The following PRKAR2A variants were observed in gnomAD, a reference collection of about 807,000 sequenced individuals.
PRKAR2A encodes protein kinase cAMP-dependent type II regulatory subunit alpha, also known as cAMP-dependent protein kinase type II-alpha regulatory subunit.
PRKAR2A carries 29 observed loss-of-function variants against 51.9 expected under a neutral mutation model. That is an observed-to-expected ratio of 0.56 (90% CI 0.42 to 0.76). The LOEUF (loss-of-function observed/expected upper bound fraction) is 0.76. Among genes scored for constraint, PRKAR2A ranks in the 30% least tolerant of loss-of-function variants. The pLI is 0.00. For synonymous variants in PRKAR2A, 178 were observed against 186.2 expected (o/e 0.96, Z 0.36); for missense variants, 445 against 512.1 (o/e 0.87, Z 1.26).
At chr3:48,808,966 A>G in intron 1 of PRKAR2A, among the ~76,000 whole-genome samples, 1 of 134,212 alleles carries the variant, frequency 7.5e-6, no homozygotes, top group Non-Finnish European at 1.6e-5. Flanking sequence ...TTTTTAGTAG[A>G]GACAGGGTTT....
chr3:48,752,823 A>G (rs1049151801), intron 9 of PRKAR2A, among the ~76,000 whole-genome samples: 2 of 150,124 alleles, frequency 1.3e-5, no homozygotes, highest in African/African-American at 4.9e-5. Context: ...TTGGCCTCCC[A>G]AAGTGCTCGG....
chr3:48,827,665 G>A (rs987303940), intron 1 of PRKAR2A, among the ~76,000 whole-genome samples: 1 of 152,126 alleles, frequency 6.6e-6, no homozygotes, highest in Non-Finnish European at 1.5e-5. Flanking sequence ...TTACACTTGT[G>A]TATGGCACTT....
chr3:48,809,614 A>C (rs982351537), intron 1 of PRKAR2A, among the ~76,000 whole-genome samples: 3 of 150,646 alleles, frequency 2.0e-5, no homozygotes, highest in East Asian at 3.9e-4. Flanking sequence ...AAAAAAAAAA[A>C]AAAAAAAAAC....
chr3:48,794,779 C>T (rs2082462555), intron 2 of PRKAR2A, among the ~76,000 whole-genome samples: 1 of 152,094 alleles, frequency 6.6e-6, no homozygotes, highest in Non-Finnish European at 1.5e-5. Context: ...CATGCTATCC[C>T]TTGCAGAAGA....
intron 2 of PRKAR2A, among the ~76,000 whole-genome samples, chr3:48,794,672 T>C (rs940233384): frequency 2.6e-5 from 4 of 151,692 alleles, no homozygotes; most frequent in African/African-American, 9.7e-5. Context: ...TCCAGCCTGG[T>C]TGACACAATG....
intron 1 of PRKAR2A, among the ~76,000 whole-genome samples, chr3:48,836,254 C>T (rs951917129): frequency 2.6e-5 from 4 of 151,042 alleles, no homozygotes; most frequent in African/African-American, 7.3e-5. Flanking sequence ...CCCGTCTCTA[C>T]CAAAAATACA....
In PRKAR2A at chr3:48,751,217, G is replaced by A. The variant is rs541775374; in HGVS notation, c.*368C>T. 13 of 449,436 alleles carry A rather than the reference G, an allele frequency of 2.9e-5. No individual in the cohort carries two copies. The highest frequency in any genetic ancestry group is 5.8e-5 in the Non-Finnish European group (13 of 225,696). 27.8% of individuals were successfully genotyped at this position (449,436 alleles called of 1,614,324 possible). ...ACAACAGGTTTCTGCAGACCCTGTG[G>A]TAACTTCCAAAAGCAAGAGTAGCAG... On this transcript the variant is annotated 3_prime_UTR_variant, in exon 11 of 11. Transcript: ENST00000265563.
At chr3:48,830,299 T>C (rs1476395483) in intron 1 of PRKAR2A, among the ~76,000 whole-genome samples, 1 of 152,038 alleles carries the variant, frequency 6.6e-6, no homozygotes. Flanking sequence ...GGATCATCAA[T>C]ATCACTGTCT....
In PRKAR2A at chr3:48,818,277, C is replaced by T. The variant is rs140930046; in HGVS notation, c.263-10593G>A. On this transcript the variant is annotated intron_variant, in intron 1 of 10. Coordinates refer to ENST00000265563, the MANE Select transcript of PRKAR2A (RefSeq NM_004157.4). The stretch of plus-strand genomic sequence containing the variant: ...ACCAAAAGCCGAAGAGCTGCCCTGC[C>T]GAATTATTTGTACAAGAATTATCTG... Among the ~76,000 whole-genome samples the T allele has an allele frequency of 9.2e-5, 14 of 152,250 alleles. 1 individual carries two copies. In the East Asian group the frequency reaches 1.9e-3, roughly 21 times the overall value.
intron 6 of PRKAR2A, among the ~76,000 whole-genome samples, chr3:48,769,372 T>G (rs1446613321): frequency 1.3e-5 from 2 of 151,872 alleles, no homozygotes; most frequent in Non-Finnish European, 2.9e-5. Flanking sequence ...TTAGCCAGGA[T>G]GGTCTCAATC....
intron 2 of PRKAR2A, among the ~76,000 whole-genome samples, chr3:48,801,752 T>C (rs888179085): frequency 6.6e-6 from 1 of 151,988 alleles, no homozygotes; most frequent in African/African-American, 2.4e-5. Context: ...TTTTGTTTGT[T>C]TGAGACGGAG....
chr3:48,780,582 G>A (rs1336113547), intron 5 of PRKAR2A, among the ~76,000 whole-genome samples: 1 of 133,564 alleles, frequency 7.5e-6, no homozygotes, highest in African/African-American at 2.9e-5. Flanking sequence ...CAGCCTGAGC[G>A]ACAGAGCAAG....
rs764182818 is a variant in PRKAR2A at position 48,758,562 on chromosome 3, G to A, written c.874-2118C>T. The stretch of plus-strand genomic sequence containing the variant: ...TGTGCCACTGCACTCCAGCCTGGGC[G>A]ACAGAGCAAGACTGTCTCAAAAAAA... On this transcript the variant is annotated intron_variant, in intron 8 of 10. Transcript: ENST00000265563. 3.4e-4 allele frequency among the ~76,000 whole-genome samples: 46 copies of A among 136,394 alleles called. No homozygotes were observed. The South Asian group carries it at 9.6e-3, about 29-fold the overall frequency. The allele number at this position is 136,394 out of a possible 152,430, so 89.5% of individuals were successfully genotyped here.
chr3:48,764,929 GT>G, intron 8 of PRKAR2A, 74 bp downstream of exon 8: 1 of 1,393,656 alleles, frequency 7.2e-7, no homozygotes. Context: ...CCGGCAAGAA[GT>G]TTTTGAGATA....
chr3:48,826,680 A>C (rs2083073354), intron 1 of PRKAR2A, among the ~76,000 whole-genome samples: 1 of 152,160 alleles, frequency 6.6e-6, no homozygotes, highest in African/African-American at 2.4e-5. Flanking sequence ...CCCATCCTGA[A>C]TCATCTCATT....
intron 9 of PRKAR2A, among the ~76,000 whole-genome samples, chr3:48,753,562 T>G (rs2081699837): frequency 6.6e-6 from 1 of 152,172 alleles, no homozygotes; most frequent in South Asian, 2.1e-4. Context: ...CCAATTTCAG[T>G]AGTATTCTCT....
At chr3:48,771,175 A>G (rs1020774441) in intron 6 of PRKAR2A, among the ~76,000 whole-genome samples, 3 of 151,988 alleles carry the variant, frequency 2.0e-5, no homozygotes, top group African/African-American at 7.2e-5. Flanking sequence ...CAGAGGTTGC[A>G]GTGAGCCAAG....
At chr3:48,760,835 CAAAAAAA>C (rs538538946) in intron 8 of PRKAR2A, among the ~76,000 whole-genome samples, 3 of 64,316 alleles carry the variant, frequency 4.7e-5, no homozygotes, top group African/African-American at 2.0e-4. Flanking sequence ...AACTCCGTCT[CAAAAAAA>C]AAAAAAAAAA....
chr3:48,782,335 A>C (rs2082212579), intron 5 of PRKAR2A, among the ~76,000 whole-genome samples: 1 of 152,242 alleles, frequency 6.6e-6, no homozygotes, highest in Admixed American at 6.5e-5. Flanking sequence ...AAATGACTAT[A>C]GTACCATGGC....
Sources: gnomAD v4.1 joint callset for allele counts (sites outside exome capture counted in the v4.1 genomes callset) on GRCh38, gnomAD v4.1.1 for gene constraint, MANE v1.5 for transcripts, NCBI Gene and HGNC (gene_info 2026-07-23, HGNC 2026-07-21) for gene names.